Variants in ZKSCAN4 observed in about 807,000 individuals in gnomAD.
ZKSCAN4 encodes zinc finger with KRAB and SCAN domains 4, also known as zinc finger protein with KRAB and SCAN domains 4.
In ZKSCAN4, 23 loss-of-function variants were observed where a neutral mutation model predicts 30.8. That is an observed-to-expected ratio of 0.75 (90% confidence interval 0.54 to 1.06). The LOEUF (loss-of-function observed/expected upper bound fraction) is 1.06, where lower values mean the gene tolerates loss of function less well. ZKSCAN4 is among the 50% of genes least tolerant of loss of function. ZKSCAN4 has a pLI of 0.00. For synonymous variants in ZKSCAN4, 208 were observed against 252.5 expected (o/e 0.82, Z 1.67); for missense variants, 556 against 665.4 (o/e 0.84, Z 1.81).
the ZKSCAN4 span, among the ~76,000 whole-genome samples, chr6:28,258,642 G>A: frequency 2.0e-5 from 3 of 151,754 alleles, no homozygotes; most frequent in African/African-American, 7.3e-5. Flanking sequence ...TCAACCTGGC[G>A]TGGTGGTGGG....
At chr6:28,254,841 T>C (rs1335515500), upstream of ZKSCAN4, among the ~76,000 whole-genome samples, 1 of 152,204 alleles carries the variant, frequency 6.6e-6, no homozygotes, top group African/African-American at 2.4e-5. Context: ...GGCCAAAGAT[T>C]AGTAATAACA....
At chr6:28,248,826 CAAAAAAA>C (rs1208495527) in intron 2 of ZKSCAN4, among the ~76,000 whole-genome samples, 59 of 51,054 alleles carry the variant, frequency 1.2e-3, no homozygotes, top group South Asian at 0.01. Flanking sequence ...ACCCCCATCT[CAAAAAAA>C]AAAAAAAAAA....
In ZKSCAN4 at chr6:28,245,170, T is replaced by C. The variant is rs766157762; in HGVS notation, c.1584A>G (p.Ser528=). ...GGCTTCTCTGATGTTGAACAAGGTA[T>C]GAAGTTCGAGTGAAACCTTTTCCAC... is the stretch of plus-strand genomic sequence containing the variant. ...DTCGKGFTRT[S]YLVQHQRSHV... The change falls in exon 5 of 5, where the codon TCA becomes TCG. Residue 528 remains serine, a synonymous_variant. Coordinates refer to ENST00000377294, the MANE Select transcript of ZKSCAN4 (RefSeq NM_019110.5). 5.0e-6 allele frequency: 8 copies of C among 1,614,006 alleles called. No homozygotes were observed. Among genetic ancestry groups the C allele is most frequent in the Non-Finnish European group, 6.8e-6 (8 of 1,180,020 alleles).
Position 28,249,938 on chromosome 6 carries a change from A to ATTGTGTTAATAT in ZKSCAN4, c.424-105_424-104insATATTAACACAA. The ATTGTGTTAATAT allele has an allele frequency of 3.8e-6, 5 of 1,316,072 alleles. No homozygotes were observed. Among genetic ancestry groups the ATTGTGTTAATAT allele is most frequent in the African/African-American group, 1.5e-5 (1 of 67,572 alleles). The allele number at this position is 1,316,072 out of a possible 1,614,324, so 81.5% of individuals were successfully genotyped here. On this transcript the variant is annotated intron_variant, in intron 1 of 4. Coordinates refer to ENST00000377294, the MANE Select transcript of ZKSCAN4 (RefSeq NM_019110.5). This position sits in a 1 kb window ranked among gnomAD's most constrained non-coding sequence, Gnocchi z 4.1. ...TGTTTCTACAAGCCTTATGATATTA[A>ATTGTGTTAATAT]CACAATTAATATAGATAACAACCCT...
chr6:28,254,932 T>C (rs1297157758), upstream of ZKSCAN4, among the ~76,000 whole-genome samples: 3 of 152,212 alleles, frequency 2.0e-5, no homozygotes, highest in African/African-American at 4.8e-5. Flanking sequence ...CCAGATATAG[T>C]TGGGTTCAGT....
In ZKSCAN4 at chr6:28,252,083, C is replaced by A; in HGVS notation, c.-103G>T. 7.6e-7 allele frequency: 1 copy of A among 1,313,344 alleles called. No homozygotes were observed. Among genetic ancestry groups the A allele is most frequent in the Non-Finnish European group, 1.0e-6 (1 of 966,600 alleles). The allele number at this position is 1,313,344 out of a possible 1,614,324, so 81.4% of individuals were successfully genotyped here. ...TTTTCCAGTAGAACTGCAAGTGGTC[C>A]CCCTCCTGTCATGCCCAGGGGCCCA... On this transcript the variant is annotated 5_prime_UTR_variant, in exon 1 of 5. It introduces an in-frame stop codon into an upstream open reading frame of the 5' UTR. Transcript: ENST00000377294.
Position 28,252,096 on chromosome 6 carries a change from GC to G in ZKSCAN4, c.-117del. 3.6e-6 allele frequency: 4 copies of G among 1,115,880 alleles called. No homozygotes were observed. Among genetic ancestry groups the G allele is most frequent in the Admixed American group, 2.6e-5 (1 of 38,856 alleles). 69.1% of individuals were successfully genotyped at this position (1,115,880 alleles called of 1,614,324 possible). ...CTGCAAGTGGTCCCCCTCCTGTCAT[GC>G]CCAGGGGCCCAGGACACCCCCTGAG... On this transcript the variant is annotated 5_prime_UTR_variant, in exon 1 of 5. Transcript: ENST00000377294.
At chr6:28,257,730 G>T in the ZKSCAN4 span, among the ~76,000 whole-genome samples, 1 of 152,108 alleles carries the variant, frequency 6.6e-6, no homozygotes, top group African/African-American at 2.4e-5. Context: ...GAAAAGGATT[G>T]CCAGCCCCTA....
In ZKSCAN4 at chr6:28,251,352, C is replaced by A; in HGVS notation, c.423+206G>T. The A allele has an allele frequency of 1.3e-6, 1 of 784,592 alleles. No homozygotes were observed. 48.6% of individuals were successfully genotyped at this position (784,592 alleles called of 1,614,324 possible). On this transcript the variant is annotated intron_variant, in intron 1 of 4. Transcript: ENST00000377294. This position sits in a 1 kb window ranked among gnomAD's most constrained non-coding sequence, Gnocchi z 4.5. ...AACTGTATGTCAATATAGTTGTGTT[C>A]TTTTGTAATCCTTTATAGTTTCTTT...
In ZKSCAN4 at chr6:28,244,447, T is replaced by C. The variant is rs555860070; in HGVS notation, c.*669A>G. On this transcript the variant is annotated 3_prime_UTR_variant, in exon 5 of 5. Coordinates refer to ENST00000377294, the MANE Select transcript of ZKSCAN4 (RefSeq NM_019110.5). ...AATGATAAAGAAGCTGTTTAAGGCA[T>C]TCTTCTCATCTCTACTATCATGGTA... 6.6e-6 allele frequency among the ~76,000 whole-genome samples: 1 copy of C among 152,298 alleles called. No individual in the cohort carries two copies. Among genetic ancestry groups the C allele is most frequent in the Non-Finnish European group, 1.5e-5 (1 of 68,028 alleles).
chr6:28,255,386 T>C (rs28769879), upstream of ZKSCAN4, among the ~76,000 whole-genome samples: 1 of 152,286 alleles, frequency 6.6e-6, no homozygotes, highest in Non-Finnish European at 1.5e-5. Flanking sequence ...TTGTCCTTTT[T>C]GGGAGTCTGA....
chr6:28,245,308 C>T lies in ZKSCAN4; in HGVS notation c.1446G>A (p.Glu482=). 2 of 1,613,970 alleles carry T rather than the reference C, an allele frequency of 1.2e-6. No homozygotes were observed. Among genetic ancestry groups the T allele is most frequent in the Non-Finnish European group, 1.7e-6 (2 of 1,179,978 alleles). Residue 482 remains glutamate (E), a synonymous_variant, in exon 5 of 5, where the codon GAG becomes GAA. Transcript: ENST00000377294. ...GRTESQWENT[E]APVSYKCNEC... is the part of the protein sequence containing the mutation. ...CATTACATTTATAAGACACGGGAGC[C>T]TCAGTATTTTCCCACTGGCTTTCCG... is the stretch of plus-strand genomic sequence containing the variant.
chr6:28,246,511 A>C (rs764812494), intron 4 of ZKSCAN4, among the ~76,000 whole-genome samples: 9 of 152,090 alleles, frequency 5.9e-5, no homozygotes, highest in Non-Finnish European at 1.2e-4. Flanking sequence ...CTGTGCCACA[A>C]ATAAGCTATG....
rs537455930 is a variant in ZKSCAN4, at chr6:28,249,684, C to T, written c.571+3G>A. ...TTCATACAACCCAGAAGAGAATACT[C>T]ACCTCTATCGTGTAAGGGCTGGGAT... On this transcript the variant is annotated splice_donor_region_variant and intron_variant, in intron 2 of 4. Coordinates refer to ENST00000377294, the MANE Select transcript of ZKSCAN4 (RefSeq NM_019110.5). This position sits in a 1 kb window ranked among gnomAD's most constrained non-coding sequence, Gnocchi z 4.1. 7 of 1,612,936 alleles carry T rather than the reference C, an allele frequency of 4.3e-6. No individual in the cohort carries two copies. The South Asian group carries it at 7.7e-5, about 18-fold the overall frequency.
rs62638678 is a variant in ZKSCAN4, at chr6:28,246,970, A to G, written c.777T>C (p.Leu259=). The change falls in exon 4 of 5, where the codon CTT becomes CTC. Residue 259 remains leucine, a splice_region_variant and synonymous_variant. Coordinates refer to ENST00000377294, the MANE Select transcript of ZKSCAN4 (RefSeq NM_019110.5). The part of the protein sequence containing the change: ...KQENHSSLVS[L]GGEIQTKSRD... ...GACAAATTAGTGTCTCAGTCTTACC[A>G]AGGGAGACCAGGCTGCTATGGTTCT... 3.0e-4 allele frequency: 485 copies of G among 1,610,158 alleles called. 2 individuals carry two copies. The African/African-American group carries it at 6.1e-3, about 20-fold the overall frequency.
intron 1 of ZKSCAN4, among the ~76,000 whole-genome samples, chr6:28,250,795 C>T (rs1289746602): frequency 1.3e-5 from 2 of 152,192 alleles, no homozygotes; most frequent in Non-Finnish European, 2.9e-5. Context: ...AAGAGATTTG[C>T]AATGACTTCC....
In ZKSCAN4 at chr6:28,242,392, TATATA is replaced by T. The variant is rs1760526353; in HGVS notation, c.*2719_*2723del. ...TAAGCAAAATGATTTTATTTGATAT[TATATA>T]ATACACCAGATAAAGTTTCCTAGAT... is the stretch of plus-strand genomic sequence containing the variant. On this transcript the variant is annotated 3_prime_UTR_variant, in exon 5 of 5. Coordinates refer to ENST00000377294, the MANE Select transcript of ZKSCAN4 (RefSeq NM_019110.5). 6.6e-6 allele frequency among the ~76,000 whole-genome samples: 1 copy of T among 152,176 alleles called. No individual in the cohort carries two copies. The highest frequency in any genetic ancestry group is 1.5e-5 in the Non-Finnish European group (1 of 68,020).
In ZKSCAN4 at chr6:28,251,126, C is replaced by A. The variant is rs532790540; in HGVS notation, c.423+432G>T. On this transcript the variant is annotated intron_variant, in intron 1 of 4. Transcript: ENST00000377294. The surrounding 1 kb of genome is among the most constrained non-coding windows in gnomAD (Gnocchi z 4.5). ...TTCCTTCAATTATGAATGGAAGCAA[C>A]AAATCAAGGTAGCATAAGCAGTACC... Among the ~76,000 whole-genome samples the A allele has an allele frequency of 3.9e-4, 60 of 152,276 alleles. No homozygotes were observed. The highest frequency in any genetic ancestry group is 1.4e-3 in the African/African-American group (59 of 41,540).
At chr6:28,248,203 C>A in intron 2 of ZKSCAN4, 54 bp from the exon 3 acceptor site, 3 of 1,443,846 alleles carry the variant, frequency 2.1e-6, no homozygotes, top group Non-Finnish European at 9.5e-7. Flanking sequence ...AGCCTCCCCA[C>A]CTTGCAAAAT....
Sources: allele counts gnomAD v4.1 joint callset (sites outside exome capture counted in the v4.1 genomes callset), GRCh38; gene constraint gnomAD v4.1.1; non-coding constraint Gnocchi (gnomAD v3.1); transcripts MANE v1.5; gene names NCBI Gene and HGNC (gene_info 2026-07-23, HGNC 2026-07-21).